TMEM87B: variants seen among roughly 807,000 people sequenced by gnomAD.
The protein encoded by TMEM87B is transmembrane protein 87B.
Under a neutral mutation model 80.3 loss-of-function variants are expected in TMEM87B, and 83 were observed. That is an observed-to-expected ratio of 1.03 (90% CI 0.87 to 1.24). The LOEUF (loss-of-function observed/expected upper bound fraction) is 1.24, where lower values mean the gene tolerates loss of function less well. Ranked by LOEUF, TMEM87B falls within the 50% of genes most tolerant of loss-of-function variation. TMEM87B has a pLI of 0.00. For synonymous variants in TMEM87B, 219 were observed against 230.5 expected, an observed-to-expected ratio of 0.95 and a Z score of 0.45; for missense variants, 625 against 674.4, an observed-to-expected ratio of 0.93 and a Z score of 0.81.
chr2:112,080,296 G>T (rs1678953704), intron 6 of TMEM87B, among the ~76,000 whole-genome samples: 1 of 148,812 alleles, frequency 6.7e-6, no homozygotes, highest in South Asian at 2.1e-4. Flanking sequence ...GTCTTGCTCT[G>T]TCGCCCAGGC....
intron 4 of TMEM87B, among the ~76,000 whole-genome samples, chr2:112,074,482 G>A (rs1419790898): frequency 2.0e-5 from 3 of 152,042 alleles, no homozygotes; most frequent in Non-Finnish European, 4.4e-5. Flanking sequence ...TTTCTTTCTA[G>A]GTGCCTTTAA....
At chr2:112,070,487 G>A (rs995832479) in intron 4 of TMEM87B, among the ~76,000 whole-genome samples, 12 of 152,076 alleles carry the variant, frequency 7.9e-5, no homozygotes, top group East Asian at 3.9e-4. Context: ...ATTATTATAC[G>A]TGTGCTCCGA....
At chr2:112,078,711 G>T (rs1678896114) in intron 6 of TMEM87B, among the ~76,000 whole-genome samples, 1 of 152,218 alleles carries the variant, frequency 6.6e-6, no homozygotes, top group South Asian at 2.1e-4. Context: ...AGCTGGAGCT[G>T]TCACTGAGCC....
At chr2:112,057,827 CTTTT>C (rs35341806) in intron 1 of TMEM87B, among the ~76,000 whole-genome samples, 1 of 137,806 alleles carries the variant, frequency 7.3e-6, no homozygotes. Context: ...CTGCCTCAGT[CTTTT>C]TTTTTTTTTT....
intron 5 of TMEM87B, among the ~76,000 whole-genome samples, chr2:112,075,687 G>A (rs1404903913): frequency 3.3e-5 from 5 of 152,164 alleles, no homozygotes; most frequent in African/African-American, 1.2e-4. Context: ...GAAAGGGATG[G>A]GAGTTATGTG....
chr2:112,100,857 G>A (rs1679610633), intron 15 of TMEM87B, among the ~76,000 whole-genome samples, 162 bp downstream of exon 15: 1 of 152,092 alleles, frequency 6.6e-6, no homozygotes, highest in Admixed American at 6.5e-5. Flanking sequence ...TAACAGAAAG[G>A]TCAGTGATGA....
At chr2:112,061,490 CTG>C (rs1168941080) in intron 2 of TMEM87B, among the ~76,000 whole-genome samples, 1 of 152,092 alleles carries the variant, frequency 6.6e-6, no homozygotes, top group African/African-American at 2.4e-5. Flanking sequence ...TCAAGCAGCT[CTG>C]TAATATCAAT....
At chr2:112,061,186 A>C (rs1678248633) in intron 2 of TMEM87B, among the ~76,000 whole-genome samples, 1 of 152,204 alleles carries the variant, frequency 6.6e-6, no homozygotes, top group Non-Finnish European at 1.5e-5. Context: ...AGAACTACCA[A>C]GGTTTTTTAA....
chr2:112,101,688 G>T (rs541659858), intron 15 of TMEM87B, among the ~76,000 whole-genome samples: 2 of 152,286 alleles, frequency 1.3e-5, no homozygotes, highest in South Asian at 4.1e-4. Context: ...GACATATGTG[G>T]TGTAACTTTT....
intron 1 of TMEM87B, among the ~76,000 whole-genome samples, chr2:112,056,294 C>G (rs1192964017): frequency 1.3e-5 from 2 of 151,972 alleles, no homozygotes; most frequent in East Asian, 3.9e-4. Flanking sequence ...ACCTCTATTT[C>G]TCTCTTCTTG....
intron 15 of TMEM87B, among the ~76,000 whole-genome samples, chr2:112,102,052 T>G (rs1426512856): frequency 6.6e-6 from 1 of 152,188 alleles, no homozygotes; most frequent in Non-Finnish European, 1.5e-5. Context: ...GCCCAAATGA[T>G]TCACTAGTGA....
intron 11 of TMEM87B, among the ~76,000 whole-genome samples, chr2:112,092,584 C>G (rs1558843755): frequency 6.6e-6 from 1 of 151,778 alleles, no homozygotes; most frequent in Non-Finnish European, 1.5e-5. Flanking sequence ...TTGCAGTGGT[C>G]GAAAGAAGAG....
intron 17 of TMEM87B, among the ~76,000 whole-genome samples, chr2:112,111,525 C>T (rs796068485): frequency 4.6e-5 from 7 of 152,290 alleles, no homozygotes; most frequent in African/African-American, 1.7e-4. Flanking sequence ...GCTCTATAAT[C>T]TAAGATGATT....
At chr2:112,056,328 C>G (rs954433642) in intron 1 of TMEM87B, among the ~76,000 whole-genome samples, 1 of 152,040 alleles carries the variant, frequency 6.6e-6, no homozygotes, top group Non-Finnish European at 1.5e-5. Context: ...CTCTACAGTT[C>G]CTGTCACAGT....
chr2:112,070,971 G>A (rs1484045710), intron 4 of TMEM87B, among the ~76,000 whole-genome samples: 7 of 151,602 alleles, frequency 4.6e-5, no homozygotes, highest in East Asian at 1.9e-4. Flanking sequence ...ACAGACGCCC[G>A]CCACCATGCC....
At chr2:112,068,969 G>A (rs1269856008) in intron 4 of TMEM87B, among the ~76,000 whole-genome samples, 3 of 151,542 alleles carry the variant, frequency 2.0e-5, no homozygotes, top group Non-Finnish European at 4.4e-5. Context: ...GAGGCGGGTG[G>A]ATCTTGAGGT....
intron 16 of TMEM87B, among the ~76,000 whole-genome samples, chr2:112,106,283 C>T (rs1408951718): frequency 6.6e-6 from 1 of 150,784 alleles, no homozygotes; most frequent in Non-Finnish European, 1.5e-5. Flanking sequence ...GATCTCACTT[C>T]TCACCTGCTG....
At chr2:112,057,567 C>T (rs1023209823) in intron 1 of TMEM87B, among the ~76,000 whole-genome samples, 2 of 152,150 alleles carry the variant, frequency 1.3e-5, no homozygotes. Context: ...TGAGCCACTA[C>T]ACCTGGCCAA....
intron 2 of TMEM87B, among the ~76,000 whole-genome samples, chr2:112,062,811 C>G (rs2104455244): frequency 6.6e-6 from 1 of 152,258 alleles, no homozygotes; most frequent in Admixed American, 6.5e-5. Flanking sequence ...TTCTGCTTGT[C>G]TTCCAAATAC....
Sources: allele counts gnomAD v4.1 joint callset (sites outside exome capture counted in the v4.1 genomes callset), GRCh38; gene constraint gnomAD v4.1.1; transcripts MANE v1.5; gene names NCBI Gene and HGNC (gene_info 2026-07-23, HGNC 2026-07-21).